The following BMPR1B variants were observed in gnomAD, a reference collection of about 807,000 sequenced individuals.
BMPR1B encodes the protein bone morphogenetic protein receptor type-1B.
BMPR1B carries 12 observed loss-of-function variants against 59.1 expected under a neutral mutation model. That is an observed-to-expected ratio of 0.20 (90% CI 0.13 to 0.33). The LOEUF is 0.33. Among genes scored for constraint, BMPR1B ranks in the 10% least tolerant of loss-of-function variants. The pLI, the probability that BMPR1B is intolerant of heterozygous loss-of-function variation, is 1.00. For synonymous variants in BMPR1B, 237 were observed against 207.3 expected (o/e 1.14, Z -1.23); for missense variants, 550 against 610.9 (o/e 0.90, Z 1.05).
chr4:95,137,105 GT>G (rs1733852783), intron 10 of BMPR1B, among the ~76,000 whole-genome samples: 2 of 152,080 alleles, frequency 1.3e-5, no homozygotes, highest in Admixed American at 1.3e-4. Context: ...ATTCTGGTAT[GT>G]TTGTGTCTTT....
At chr4:94,764,121 A>G (rs942082303) in intron 1 of BMPR1B, among the ~76,000 whole-genome samples, 13 of 152,126 alleles carry the variant, frequency 8.5e-5, no homozygotes, top group Middle Eastern at 3.4e-3. Flanking sequence ...AACTGTTCTT[A>G]TTACCATTGG....
intron 2 of BMPR1B, among the ~76,000 whole-genome samples, chr4:94,902,247 CACAGAGAGAGAGAGAGAGAGAGAGAG>C (rs1236267972): frequency 2.4e-5 from 2 of 84,780 alleles, no homozygotes; most frequent in Admixed American, 1.3e-4. Flanking sequence ...CACACACACA[CACAGAGAGAGAGAGAGAGAGAGAGAG>C]AGAGAGAGAG....
chr4:95,059,487 A>T (rs1727184594), intron 3 of BMPR1B, among the ~76,000 whole-genome samples: 1 of 152,178 alleles, frequency 6.6e-6, no homozygotes, highest in Non-Finnish European at 1.5e-5. Context: ...TTATAGGCAC[A>T]TGACATTCTT....
At chr4:94,890,313 CT>C (rs1340731100) in intron 2 of BMPR1B, among the ~76,000 whole-genome samples, 1 of 152,050 alleles carries the variant, frequency 6.6e-6, no homozygotes, top group African/African-American at 2.4e-5. Context: ...AGGTAACCCC[CT>C]CTCCCCCAAA....
rs528796909 is a variant in BMPR1B, at chr4:95,045,462, T to A, written c.-18+49328T>A. Among the ~76,000 whole-genome samples the A allele has an allele frequency of 5.9e-5, 9 of 152,306 alleles. 1 individual carries two copies. In the East Asian group the frequency reaches 1.7e-3, roughly 29 times the overall value. ...ACCTCCCCAGTCTACTTTTCCAGCC[T>A]AATTCCCCTGCTCTCTAGGCATATC... On this transcript the variant is annotated intron_variant, in intron 3 of 12. Coordinates refer to ENST00000515059, the MANE Select transcript of BMPR1B (RefSeq NM_001203.3).
chr4:95,147,901 T>C (rs1256703842), intron 10 of BMPR1B, among the ~76,000 whole-genome samples: 1 of 152,214 alleles, frequency 6.6e-6, no homozygotes, highest in Non-Finnish European at 1.5e-5. Context: ...ACTGAAGCAA[T>C]GGTTCCCAAG....
At chr4:94,989,386 T>TA (rs532770101) in intron 2 of BMPR1B, among the ~76,000 whole-genome samples, 24 of 137,954 alleles carry the variant, frequency 1.7e-4, no homozygotes, top group South Asian at 4.6e-4. Flanking sequence ...AGACTCCGTC[T>TA]AAAAAAAAAA....
chr4:94,840,189 T>A (rs1359260029), intron 1 of BMPR1B, among the ~76,000 whole-genome samples: 1 of 147,988 alleles, frequency 6.8e-6, no homozygotes, highest in Non-Finnish European at 1.5e-5. Context: ...CTGGCTGCCC[T>A]TAACATTTTT....
chr4:94,953,976 T>C (rs1211449838), intron 2 of BMPR1B, among the ~76,000 whole-genome samples: 7 of 152,286 alleles, frequency 4.6e-5, no homozygotes, highest in Non-Finnish European at 8.8e-5. Flanking sequence ...TCATTTTTTT[T>C]CCCTAATCTT....
chr4:94,940,973 C>T (rs1178545726), intron 2 of BMPR1B, among the ~76,000 whole-genome samples: 3 of 151,834 alleles, frequency 2.0e-5, no homozygotes, highest in East Asian at 3.9e-4. Context: ...CTTGGTGGGA[C>T]GTTAGATACT....
At chr4:95,137,892 T>C (rs929765139) in intron 10 of BMPR1B, among the ~76,000 whole-genome samples, 122 of 152,326 alleles carry the variant, frequency 8.0e-4, no homozygotes, top group Admixed American at 2.7e-3. Flanking sequence ...AATTGGAGCA[T>C]TCAGCCCATT....
rs1724191650 is a variant in BMPR1B, at chr4:94,821,131, G to C, written c.-182-54700G>C. Among the ~76,000 whole-genome samples, 3 of 152,152 alleles carry C rather than the reference G, an allele frequency of 2.0e-5. No individual in the cohort carries two copies. The South Asian group carries it at 6.2e-4, about 32-fold the overall frequency. On this transcript the variant is annotated intron_variant, in intron 1 of 12. Coordinates refer to ENST00000515059, the MANE Select transcript of BMPR1B (RefSeq NM_001203.3). ...ACTCTCTTTAATATGCTTTAAAGCT[G>C]GCTGAGACTTATTTATGTGTTACAC... is the stretch of plus-strand genomic sequence containing the variant.
At chr4:94,794,324 G>A (rs1188184757) in intron 1 of BMPR1B, among the ~76,000 whole-genome samples, 1 of 151,690 alleles carries the variant, frequency 6.6e-6, no homozygotes, top group Non-Finnish European at 1.5e-5. Context: ...AGATCAGATA[G>A]CTGCAGATAT....
chr4:94,977,592 C>T (rs1175366792), intron 2 of BMPR1B, among the ~76,000 whole-genome samples: 4 of 151,824 alleles, frequency 2.6e-5, no homozygotes, highest in African/African-American at 4.8e-5. Flanking sequence ...GGCACAGTGG[C>T]TCACGCTTGT....
chr4:95,130,184 G>T, intron 9 of BMPR1B, 130 bp downstream of exon 9: 1 of 1,086,260 alleles, frequency 9.2e-7, no homozygotes, highest in Middle Eastern at 2.9e-4. Context: ...CTTGGCATGG[G>T]CCCAAGAACA....
intron 2 of BMPR1B, among the ~76,000 whole-genome samples, chr4:94,901,922 A>C (rs1727823548): frequency 6.6e-6 from 1 of 151,936 alleles, no homozygotes; most frequent in Non-Finnish European, 1.5e-5. Flanking sequence ...AAAATGGAGT[A>C]TAGCAAAGAT....
chr4:95,023,947 C>T (rs530330163), intron 3 of BMPR1B, among the ~76,000 whole-genome samples: 20 of 152,210 alleles, frequency 1.3e-4, no homozygotes, highest in African/African-American at 9.6e-5. Context: ...ATAGCAAGAA[C>T]GGATGCTTGG....
At chr4:95,134,874 C>T (rs1220859043) in intron 10 of BMPR1B, among the ~76,000 whole-genome samples, 1 of 152,182 alleles carries the variant, frequency 6.6e-6, no homozygotes, top group Non-Finnish European at 1.5e-5. Flanking sequence ...AATTAGATCC[C>T]ATTTGTCAAT....
intron 6 of BMPR1B, among the ~76,000 whole-genome samples, chr4:95,116,345 A>G (rs958252353): frequency 5.3e-5 from 8 of 151,012 alleles, no homozygotes; most frequent in Admixed American, 1.3e-4. Flanking sequence ...GCCTCCCAAG[A>G]TATTGCCTCC....
Sources: gnomAD v4.1 joint callset for allele counts (sites outside exome capture counted in the v4.1 genomes callset) on GRCh38, gnomAD v4.1.1 for gene constraint, MANE v1.5 for transcripts, NCBI Gene and HGNC (gene_info 2026-07-23, HGNC 2026-07-21) for gene names.